KCNH2: variants seen among roughly 807,000 people sequenced by gnomAD.
The protein encoded by KCNH2 is voltage-gated inwardly rectifying potassium channel KCNH2.
Under a neutral mutation model 95.9 loss-of-function variants are expected in KCNH2, and 35 were observed. The observed-to-expected ratio is 0.37, with a 90% CI of 0.28 to 0.48. The LOEUF is 0.48. Ranked by LOEUF, KCNH2 falls within the 20% of genes least tolerant of loss-of-function variation. The probability of loss-of-function intolerance (pLI) is 0.99; values close to 1 mark genes in which losing one functional copy is unlikely to be tolerated. For synonymous variants in KCNH2, 786 were observed against 754.7 expected (o/e 1.04, Z -0.68); for missense variants, 1,274 against 1,702.9 (o/e 0.75, Z 4.43).
At chr7:150,965,800 A>G (rs1801687669) in intron 2 of KCNH2, among the ~76,000 whole-genome samples, 1 of 152,164 alleles carries the variant, frequency 6.6e-6, no homozygotes, top group Admixed American at 6.5e-5. Context: ...AGAAGAACTG[A>G]GGGTGGACTC....
At chr7:150,951,880 G>A (rs752996622) in intron 6 of KCNH2, 45 bp from the exon 7 acceptor site, 6 of 1,522,542 alleles carry the variant, frequency 3.9e-6, no homozygotes, top group Non-Finnish European at 5.3e-6. Context: ...GGGCAAGGGG[G>A]GCAAGGGAGG....
chr7:150,948,213 A>G (rs149141807), intron 11 of KCNH2, among the ~76,000 whole-genome samples: 5 of 152,124 alleles, frequency 3.3e-5, no homozygotes, highest in Non-Finnish European at 7.4e-5. Context: ...TGAAGTCCAA[A>G]AAGCCTAGGC....
chr7:150,956,797 C>T (rs929127114), intron 5 of KCNH2, among the ~76,000 whole-genome samples: 1 of 152,198 alleles, frequency 6.6e-6, no homozygotes, highest in Non-Finnish European at 1.5e-5. Context: ...TGAGGCCCAC[C>T]CTCTGCCTGG....
chr7:150,957,571 C>G (rs1178279464), intron 4 of KCNH2, 69 bp from the exon 5 acceptor site: 15 of 1,179,796 alleles, frequency 1.3e-5, no homozygotes, highest in Non-Finnish European at 5.0e-6. Flanking sequence ...ACCCATAGAT[C>G]GAGAGTGGAG....
intron 9 of KCNH2, chr7:150,949,819 C>T (rs903835802): frequency 8.0e-7 from 1 of 1,245,126 alleles, no homozygotes; most frequent in Non-Finnish European, 1.0e-6. Flanking sequence ...AACCACATGG[C>T]CCTTAGTGAA....
intron 2 of KCNH2, among the ~76,000 whole-genome samples, chr7:150,963,521 A>G (rs1271475708): frequency 6.6e-6 from 1 of 152,180 alleles, no homozygotes; most frequent in Non-Finnish European, 1.5e-5. Flanking sequence ...GAGAGGCCCC[A>G]GGGCCAGCCT....
intron 13 of KCNH2, 81 bp from the exon 14 acceptor site, chr7:150,947,135 AG>A: frequency 8.8e-6 from 2 of 225,994 alleles, no homozygotes; most frequent in Non-Finnish European, 8.4e-6. Flanking sequence ...GGGGAAGGGG[AG>A]GGGGGAGGGG....
rs761863251 is a variant in KCNH2, at chr7:150,959,590, T to TG, written c.453dup (p.Thr152HisfsTer180). Reference sequence around the variant, plus strand: ...CACTTACCTGGGGCCAGCCAGCTGGTGGGGGGGCCCCGGTGGTTGGTGTCA... The same window carrying TG: ...CACTTACCTGGGGCCAGCCAGCTGGTGGGGGGGGCCCCGGTGGTTGGTGTCA... On this transcript the variant is annotated frameshift_variant, in exon 3 of 15. Coordinates refer to ENST00000262186, the MANE Select transcript of KCNH2 (RefSeq NM_000238.4). LOFTEE classifies it high-confidence loss of function. The TG allele has an allele frequency of 1.2e-6, 2 of 1,613,818 alleles. No individual in the cohort carries two copies. Among genetic ancestry groups the TG allele is most frequent in the Non-Finnish European group, 8.5e-7 (1 of 1,179,910 alleles).
chr7:150,961,963 G>A lies in KCNH2; in HGVS notation c.308-2227C>T, dbSNP rs3778874. ...TGAAGGGGCTGGCCAGGAACTCTCC[G>A]CCCCACCCCACAGCTCTTCCACTCA... is the stretch of plus-strand genomic sequence containing the variant. On this transcript the variant is annotated intron_variant, in intron 2 of 14. Coordinates refer to ENST00000262186, the MANE Select transcript of KCNH2 (RefSeq NM_000238.4). The surrounding 1 kb of genome is among the most constrained non-coding windows in gnomAD (Gnocchi z 6.2). Among the ~76,000 whole-genome samples, 42,883 of 152,028 alleles carry A rather than the reference G, an allele frequency of 0.28. 6,667 individuals are homozygous for A. The highest frequency in any genetic ancestry group is 0.62 in the East Asian group (3,177 of 5,152).
chr7:150,950,406 G>A lies in KCNH2; in HGVS notation c.2160C>T (p.Phe720=). ...GIDMNAVLKG[F]PECLQADICL... is the part of the protein sequence containing the mutation. ...AGATGTCAGCCTGCAGGCACTCAGG[G>A]AAGCCCTTCAGCACCTGGGGGCAGG... The change falls in exon 9 of 15, where the codon TTC becomes TTT. Residue 720 remains phenylalanine, a synonymous_variant. Transcript: ENST00000262186. 3 of 1,611,956 alleles carry A rather than the reference G, an allele frequency of 1.9e-6. No homozygotes were observed. The highest frequency in any genetic ancestry group is 2.5e-6 in the Non-Finnish European group (3 of 1,179,958).
At chr7:150,972,154 G>A (rs1036681452) in intron 2 of KCNH2, among the ~76,000 whole-genome samples, 2 of 152,186 alleles carry the variant, frequency 1.3e-5, no homozygotes, top group Non-Finnish European at 2.9e-5. Flanking sequence ...CTAAATAATG[G>A]GGCTGTCTGG....
At chr7:150,977,287 C>A (rs551710672) in intron 1 of KCNH2, among the ~76,000 whole-genome samples, 26 of 152,306 alleles carry the variant, frequency 1.7e-4, no homozygotes, top group African/African-American at 6.3e-4. Flanking sequence ...ACCTCCCCAC[C>A]GCCCATACAG....
At position 150,946,449 on chromosome 7, in the gene KCNH2, C is replaced by T. The variant is rs147575725; in HGVS notation, c.3330+428G>A. Among the ~76,000 whole-genome samples the T allele has an allele frequency of 5.3e-4, 81 of 152,298 alleles. No individual in the cohort carries two copies. The highest frequency in any genetic ancestry group is 1.8e-3 in the African/African-American group (75 of 41,562). On this transcript the variant is annotated intron_variant, in intron 14 of 14. Coordinates refer to ENST00000262186, the MANE Select transcript of KCNH2 (RefSeq NM_000238.4). The surrounding 1 kb of genome is among the most constrained non-coding windows in gnomAD (Gnocchi z 6.5). Reference sequence around the variant, plus strand: ...GGGAGTGTCACTCACAGAAGGGACCCGGGACCCTGTCCCTAGATACTCTGG... The same window carrying T: ...GGGAGTGTCACTCACAGAAGGGACCTGGGACCCTGTCCCTAGATACTCTGG...
chr7:150,973,845 C>T (rs1801899674), intron 2 of KCNH2, among the ~76,000 whole-genome samples: 1 of 152,174 alleles, frequency 6.6e-6, no homozygotes, highest in African/African-American at 2.4e-5. Flanking sequence ...CTGCCAGGCT[C>T]ACAAGGGTTG....
At position 150,945,165 on chromosome 7, in the gene KCNH2, T is replaced by A; in HGVS notation, c.*200A>T. ...TGGGGGGACCACAGGCCCCACCTAC[T>A]GCCGGCCCTGCCCCTGCCCCTCTCA... On this transcript the variant is annotated 3_prime_UTR_variant, in exon 15 of 15. Coordinates refer to ENST00000262186, the MANE Select transcript of KCNH2 (RefSeq NM_000238.4). The surrounding 1 kb of genome is among the most constrained non-coding windows in gnomAD (Gnocchi z 5.6). 1 of 630,630 alleles carries A rather than the reference T, an allele frequency of 1.6e-6. No homozygotes were observed. The highest frequency in any genetic ancestry group is 2.7e-6 in the Non-Finnish European group (1 of 369,438). 39.1% of individuals were successfully genotyped at this position (630,630 alleles called of 1,614,324 possible).
At position 150,977,920 on chromosome 7, in the gene KCNH2, C is replaced by T. The variant is rs751399746; in HGVS notation, c.-7G>A. On this transcript the variant is annotated 5_prime_UTR_variant, in exon 1 of 15. Coordinates refer to ENST00000262186, the MANE Select transcript of KCNH2 (RefSeq NM_000238.4). ...GGCCCCTCCGCACCGGCATCCTGAG[C>T]CCATGGGCGGGCCGGGCGGGCCCCC... The T allele has an allele frequency of 1.5e-5, 24 of 1,596,258 alleles. No homozygotes were observed. The highest frequency in any genetic ancestry group is 2.2e-5 in the South Asian group (2 of 89,492).
intron 11 of KCNH2, among the ~76,000 whole-genome samples, 180 bp from the exon 12 acceptor site, chr7:150,948,058 C>T (rs1023734070): frequency 2.6e-5 from 4 of 152,188 alleles, no homozygotes; most frequent in Non-Finnish European, 5.9e-5. Context: ...CTCCCAGGAC[C>T]CCCTGACTGC....
rs754828103 is a variant in KCNH2, at chr7:150,947,599, G to A, written c.2965+7C>T. 37 of 1,612,008 alleles carry A rather than the reference G, an allele frequency of 2.3e-5. No individual in the cohort carries two copies. The Middle Eastern group carries it at 1.6e-3, about 72-fold the overall frequency. ...GTCCTCCCTCGCCCGCCCGTCGCCC[G>A]GGATACCTGACAGGGGGTTGCAAGT... On this transcript the variant is annotated splice_region_variant and intron_variant, in intron 12 of 14. Coordinates refer to ENST00000262186, the MANE Select transcript of KCNH2 (RefSeq NM_000238.4).
chr7:150,977,883 G>C lies in KCNH2; in HGVS notation c.31C>G (p.Gln11Glu). ...ATGATGGTGTCCAGGAAGGTGTTCT[G>C]CGGCGCGACGTGGCCCCTCCGCACC... MPVRRGHVAP[Q>E]NTFLDTIIRK... is the part of the protein sequence containing the mutation. Residue 11 changes from glutamine to glutamate, a missense_variant, in exon 1 of 15, where the codon CAG becomes GAG. Gln to Glu is a conservative substitution (Grantham distance 29). Coordinates refer to ENST00000262186, the MANE Select transcript of KCNH2 (RefSeq NM_000238.4). 6.3e-7 allele frequency: 1 copy of C among 1,599,710 alleles called. No individual in the cohort carries two copies. The highest frequency in any genetic ancestry group is 8.5e-7 in the Non-Finnish European group (1 of 1,175,668).
Sources: allele counts gnomAD v4.1 joint callset (sites outside exome capture counted in the v4.1 genomes callset), GRCh38; gene constraint gnomAD v4.1.1; non-coding constraint Gnocchi (gnomAD v3.1); transcripts MANE v1.5; gene names NCBI Gene and HGNC (gene_info 2026-07-23, HGNC 2026-07-21).